AUTS2: variants seen among roughly 807,000 people sequenced by gnomAD.
AUTS2 encodes the protein activator of transcription and developmental regulator AUTS2, also known as autism susceptibility gene 2 protein.
In AUTS2, 17 loss-of-function variants were observed where a neutral mutation model predicts 112.4. The ratio of observed to expected loss-of-function variants is 0.15; its 90% CI spans 0.10 to 0.23. The LOEUF is 0.23. Ranked by LOEUF, AUTS2 falls within the 10% of genes least tolerant of loss-of-function variation. The probability of loss-of-function intolerance (pLI) is 1.00; values close to 1 mark genes in which losing one functional copy is unlikely to be tolerated. For missense variants in AUTS2, 1,510 were observed against 1,701.6 expected (o/e 0.89, Z 1.98); for synonymous variants, 751 against 702.7 (o/e 1.07, Z -1.09).
chr7:70,435,603 A>G, intron 4 of AUTS2, 149 bp from the exon 5 acceptor site: 1 of 774,228 alleles, frequency 1.3e-6, no homozygotes, highest in Non-Finnish European at 2.2e-6. Context: ...CTTGAACTGG[A>G]GAAACTCTTT....
At chr7:69,980,635 G>A (rs76576786) in intron 2 of AUTS2, among the ~76,000 whole-genome samples, 6,436 of 152,002 alleles carry the variant, frequency 0.042, 152 homozygotes, top group Middle Eastern at 0.068. Flanking sequence ...TGTATTAGAA[G>A]TCATATGATT....
rs78164042 is a variant in AUTS2 at position 70,736,346 on chromosome 7, G to A, written c.743-26524G>A. ...GAAATGGACATTATGAAAAGTAGAT[G>A]TCAGTATGGAAAAATACTTTTACTA... On this transcript the variant is annotated intron_variant, in intron 6 of 18. Coordinates refer to ENST00000342771, the MANE Select transcript of AUTS2 (RefSeq NM_015570.4). 2.6e-5 allele frequency among the ~76,000 whole-genome samples: 3 copies of A among 117,278 alleles called. No homozygotes were observed. The East Asian group carries it at 8.4e-4, about 33-fold the overall frequency. The allele number at this position is 117,278 out of a possible 152,430, so 76.9% of individuals were successfully genotyped here. A position where few individuals can be genotyped will look rare whatever the true frequency, so the allele number is the denominator to read the frequency against.
intron 1 of AUTS2, among the ~76,000 whole-genome samples, chr7:69,657,856 T>C (rs1795614681): frequency 6.6e-6 from 1 of 152,236 alleles, no homozygotes; most frequent in South Asian, 2.1e-4. Context: ...TGGTTTACCT[T>C]CCCTTTTGTC....
intron 12 of AUTS2, among the ~76,000 whole-genome samples, chr7:70,774,615 T>C (rs1393493117): frequency 3.3e-5 from 5 of 152,226 alleles, no homozygotes; most frequent in Non-Finnish European, 7.3e-5. Context: ...AAAATATCCA[T>C]TATGCTTTGG....
rs1474509971 is a variant in AUTS2, at chr7:69,614,368, T to TCTTTCTTTTCTTTCTTTCTTTCTTTC, written c.309+14406_309+14407insCTTTCTTTTCTTTCTTTCTTTCTTTC. 2.0e-3 allele frequency among the ~76,000 whole-genome samples: 39 copies of TCTTTCTTTTCTTTCTTTCTTTCTTTC among 19,518 alleles called. 1 individual carries two copies. Among genetic ancestry groups the TCTTTCTTTTCTTTCTTTCTTTCTTTC allele is most frequent in the African/African-American group, 4.7e-3 (25 of 5,272 alleles). The allele number at this position is 19,518 out of a possible 152,430, so 12.8% of individuals were successfully genotyped here. ...TCTTTCTTTCTTTCTTTCTTTCTTT[T>TCTTTCTTTTCTTTCTTTCTTTCTTTC]TTTAAGAGATGGGATCTCACTCTGT... is the stretch of plus-strand genomic sequence containing the variant. On this transcript the variant is annotated intron_variant, in intron 1 of 18. Transcript: ENST00000342771.
At chr7:70,458,309 C>A (rs1796826732) in intron 5 of AUTS2, among the ~76,000 whole-genome samples, 1 of 152,182 alleles carries the variant, frequency 6.6e-6, no homozygotes. Flanking sequence ...AATGATAAGC[C>A]TCCTTGAAAC....
intron 5 of AUTS2, among the ~76,000 whole-genome samples, chr7:70,543,067 C>T (rs1399890002): frequency 1.3e-5 from 2 of 152,118 alleles, no homozygotes; most frequent in Admixed American, 1.3e-4. Context: ...CCCAAAAGTC[C>T]CTAGGCTTAA....
intron 4 of AUTS2, among the ~76,000 whole-genome samples, chr7:70,407,898 C>CA (rs1192017385): frequency 6.6e-6 from 1 of 151,640 alleles, no homozygotes; most frequent in Non-Finnish European, 1.5e-5. Flanking sequence ...ACTAAAAATA[C>CA]AAAAAATTAG....
intron 5 of AUTS2, among the ~76,000 whole-genome samples, chr7:70,524,217 C>G (rs73704488): frequency 0.011 from 1,733 of 152,242 alleles, 32 homozygotes; most frequent in African/African-American, 0.04. Flanking sequence ...CAGAAAGGAA[C>G]CATGCAGATG....
chr7:70,640,922 C>A (rs907917606), intron 5 of AUTS2, among the ~76,000 whole-genome samples: 4 of 152,148 alleles, frequency 2.6e-5, no homozygotes, highest in African/African-American at 7.2e-5. Flanking sequence ...CCCAGCCTCC[C>A]GGGCTTCTGA....
chr7:69,823,989 T>A (rs1248509415), intron 1 of AUTS2, among the ~76,000 whole-genome samples: 2 of 152,124 alleles, frequency 1.3e-5, no homozygotes, highest in African/African-American at 4.8e-5. Context: ...TTGCCTCAGT[T>A]TTTTCATCTA....
intron 2 of AUTS2, among the ~76,000 whole-genome samples, chr7:69,910,578 G>A (rs572570067): frequency 6.1e-4 from 93 of 152,276 alleles, no homozygotes; most frequent in East Asian, 2.3e-3. Flanking sequence ...GTGGATGGTG[G>A]CAGGCAAATA....
intron 4 of AUTS2, among the ~76,000 whole-genome samples, chr7:70,371,558 C>T (rs1792838504): frequency 1.3e-5 from 2 of 152,142 alleles, no homozygotes; most frequent in South Asian, 2.1e-4. Context: ...AATTAAACCC[C>T]GAATTTAAAA....
At chr7:69,615,905 G>A (rs997126965) in intron 1 of AUTS2, among the ~76,000 whole-genome samples, 19 of 152,202 alleles carry the variant, frequency 1.2e-4, no homozygotes, top group African/African-American at 4.3e-4. Flanking sequence ...GCATTAAATC[G>A]TCTTTAGTTT....
intron 4 of AUTS2, among the ~76,000 whole-genome samples, chr7:70,299,391 G>C (rs1016302483): frequency 6.6e-6 from 1 of 152,160 alleles, no homozygotes; most frequent in African/African-American, 2.4e-5. Context: ...CAGCATTCTG[G>C]AATGATTTTG....
intron 2 of AUTS2, among the ~76,000 whole-genome samples, chr7:70,047,773 G>A (rs1415563144): frequency 1.3e-5 from 2 of 151,978 alleles, no homozygotes; most frequent in Non-Finnish European, 2.9e-5. Context: ...GTGAAGAAGA[G>A]GTAGGATTTT....
At chr7:69,638,084 T>C (rs1794630480) in intron 1 of AUTS2, among the ~76,000 whole-genome samples, 1 of 152,240 alleles carries the variant, frequency 6.6e-6, no homozygotes, top group Non-Finnish European at 1.5e-5. Flanking sequence ...AGTGGTGCAT[T>C]CACAACTCAC....
At chr7:70,477,709 T>A (rs1797634607) in intron 5 of AUTS2, among the ~76,000 whole-genome samples, 1 of 152,218 alleles carries the variant, frequency 6.6e-6, no homozygotes, top group African/African-American at 2.4e-5. Context: ...AAATCTCAGA[T>A]CATTAACATA....
chr7:70,110,408 C>T (rs549516525), intron 2 of AUTS2, among the ~76,000 whole-genome samples: 753 of 152,124 alleles, frequency 4.9e-3, no homozygotes, highest in Non-Finnish European at 8.0e-3. Context: ...CTCAGCTACT[C>T]GGGAGGCCAA....
Sources: allele counts gnomAD v4.1 joint callset (sites outside exome capture counted in the v4.1 genomes callset), GRCh38; gene constraint gnomAD v4.1.1; transcripts MANE v1.5; gene names NCBI Gene and HGNC (gene_info 2026-07-23, HGNC 2026-07-21).